The following PCDH18 variants were observed in gnomAD, a reference collection of about 807,000 sequenced individuals.
PCDH18 encodes protocadherin-18.
Under a neutral mutation model 71.5 loss-of-function variants are expected in PCDH18, and 38 were observed. The ratio of observed to expected loss-of-function variants is 0.53; its 90% CI spans 0.41 to 0.70. The LOEUF (loss-of-function observed/expected upper bound fraction) is 0.70. Ranked by LOEUF, PCDH18 falls within the 30% of genes least tolerant of loss-of-function variation. The probability of loss-of-function intolerance (pLI) is 0.00; values close to 1 mark genes in which losing one functional copy is unlikely to be tolerated. For missense variants in PCDH18, 1,334 were observed against 1,384.6 expected (o/e 0.96, Z 0.58); for synonymous variants, 565 against 505.4 (o/e 1.12, Z -1.58).
Position 137,519,233 on chromosome 4 carries a change from G to C in PCDH18, c.*1796C>G, listed in dbSNP as rs921748434. On this transcript the variant is annotated 3_prime_UTR_variant, in exon 4 of 4. Coordinates refer to ENST00000344876, the MANE Select transcript of PCDH18 (RefSeq NM_019035.5). ...ATTCTATTTAATGTGGTACTCATTT[G>C]AGAATTCAAATATCTGAATTTTAGT... is the stretch of plus-strand genomic sequence containing the variant. The C allele has an allele frequency of 4.6e-5, 7 of 152,100 alleles. No individual in the cohort carries two copies. Among genetic ancestry groups the C allele is most frequent in the Admixed American group, 4.6e-4 (7 of 15,272 alleles). 9.4% of individuals were successfully genotyped at this position (152,100 alleles called of 1,614,324 possible). A position where few individuals can be genotyped will look rare whatever the true frequency, so the allele number is the denominator to read the frequency against.
At chr4:137,524,824 A>G (rs557892933) in intron 3 of PCDH18, among the ~76,000 whole-genome samples, 1 of 152,306 alleles carries the variant, frequency 6.6e-6, no homozygotes, top group African/African-American at 2.4e-5. Context: ...AAATGTTCTC[A>G]AAATGTTGTT....
chr4:137,521,644 G>T lies in PCDH18; in HGVS notation c.2793C>A (p.Cys931Ter). ...ACGGTGAGGGCAGTGGTGGCATCCA[G>T]CACTGGTCAGAGTGTCCCAGGACCC... is the stretch of plus-strand genomic sequence containing the variant. ...ECRVLGHSDQ[C>*]WMPPLPSPSS... Residue 931 changes from cysteine (C) to a stop codon, truncating the protein, a stop_gained, in exon 4 of 4, where the codon TGC becomes TGA. Transcript: ENST00000344876. LOFTEE classifies it high-confidence loss of function. 1 of 1,611,814 alleles carries T rather than the reference G, an allele frequency of 6.2e-7. No homozygotes were observed.
At position 137,521,276 on chromosome 4, in the gene PCDH18, G is replaced by A. The variant is rs564865274; in HGVS notation, c.3161C>T (p.Ala1054Val). 1.1e-5 allele frequency: 18 copies of A among 1,614,126 alleles called. No homozygotes were observed. Among genetic ancestry groups the A allele is most frequent in the South Asian group, 2.2e-5 (2 of 91,088 alleles). ...AKTVGYPQGVAAWAASTHFQN... is the reference protein window; with the variant it reads ...AKTVGYPQGVVAWAASTHFQN... ...AAAATGCGTACTGGCTGCCCATGCCGCTACCCCCTGTGGGTAACCCACAGT... is the reference window on the plus strand; with the variant it reads ...AAAATGCGTACTGGCTGCCCATGCCACTACCCCCTGTGGGTAACCCACAGT... The change falls in exon 4 of 4, where the codon GCG becomes GTG. Residue 1054 changes from alanine to valine, a missense_variant. Ala to Val is a moderately conservative substitution (Grantham distance 64). Transcript: ENST00000344876.
In PCDH18 at chr4:137,521,119, G is replaced by T. The variant is rs558960365; in HGVS notation, c.3318C>A (p.Asn1106Lys). 2 of 1,614,036 alleles carry T rather than the reference G, an allele frequency of 1.2e-6. No individual in the cohort carries two copies. Among genetic ancestry groups the T allele is most frequent in the Non-Finnish European group, 1.7e-6 (2 of 1,179,870 alleles). The change falls in exon 4 of 4, where the codon AAC becomes AAA. Residue 1106 changes from asparagine (N) to lysine (K), a missense_variant. By Grantham distance (94) the Asn-to-Lys change is moderately conservative. Transcript: ENST00000344876. ...GTTCGTGTTTCCCATCATTGAGGTG[G>T]TTGAGCACATTGTCAAAATCATCTT... ...YEEDDFDNVL[N>K]HLNDGKHELM...
At chr4:137,528,019 C>G (rs1476320995) in intron 3 of PCDH18, among the ~76,000 whole-genome samples, 1 of 152,128 alleles carries the variant, frequency 6.6e-6, no homozygotes, top group African/African-American at 2.4e-5. Flanking sequence ...GTATTTTAGT[C>G]TCTGATTTTG....
chr4:137,521,683 G>A lies in PCDH18; in HGVS notation c.2754C>T (p.Cys918=). The A allele has an allele frequency of 6.2e-7, 1 of 1,603,218 alleles. No homozygotes were observed. The highest frequency in any genetic ancestry group is 2.2e-5 in the East Asian group (1 of 44,732). ...GTCCCAGGACCCTGCACTCCTCCGTGCAGAGTCTCATAGCTGCACTCAAGA... is the reference window on the plus strand; with the variant it reads ...GTCCCAGGACCCTGCACTCCTCCGTACAGAGTCTCATAGCTGCACTCAAGA... ...DGRIPAAMRL[C]TEECRVLGHS... The change falls in exon 4 of 4, where the codon TGC becomes TGT. Residue 918 remains cysteine, a synonymous_variant. Transcript: ENST00000344876.
chr4:137,529,024 A>G, intron 1 of PCDH18: 1 of 578,644 alleles, frequency 1.7e-6, no homozygotes, highest in South Asian at 2.2e-5. Flanking sequence ...AGAGATTTGG[A>G]TGACCTAATA....
At chr4:137,527,557 T>C (rs1475338456) in intron 3 of PCDH18, among the ~76,000 whole-genome samples, 2 of 152,236 alleles carry the variant, frequency 1.3e-5, no homozygotes, top group Non-Finnish European at 2.9e-5. Flanking sequence ...TTTCCTAAAC[T>C]CTCTTACTTA....
chr4:137,525,845 GATT>G (rs1731437606), intron 3 of PCDH18, among the ~76,000 whole-genome samples: 1 of 151,744 alleles, frequency 6.6e-6, no homozygotes, highest in South Asian at 2.1e-4. Context: ...GCAAATATGA[GATT>G]TTTTTTTAAA....
chr4:137,531,276 C>T lies in PCDH18; in HGVS notation c.813G>A (p.Thr271=), dbSNP rs1336165604. Residue 271 remains threonine (T), a synonymous_variant, in exon 1 of 4, where the codon ACG becomes ACA. Coordinates refer to ENST00000344876, the MANE Select transcript of PCDH18 (RefSeq NM_019035.5). ...VGTLLLDLNA[T]DPDEGANGKI... The stretch of plus-strand genomic sequence containing the variant: ...TCCCATTAGCGCCCTCATCTGGATC[C>T]GTGGCATTCAGATCTAAGAGCAAAG... The T allele has an allele frequency of 1.9e-6, 3 of 1,613,982 alleles. No individual in the cohort carries two copies. The highest frequency in any genetic ancestry group is 1.7e-6 in the Non-Finnish European group (2 of 1,179,916).
intron 3 of PCDH18, among the ~76,000 whole-genome samples, chr4:137,528,185 GA>G (rs1372484226): frequency 1.3e-5 from 2 of 152,136 alleles, no homozygotes; most frequent in African/African-American, 4.8e-5. Flanking sequence ...GAGGTGGAAA[GA>G]GGGGGAAAGT....
chr4:137,530,330 C>A lies in PCDH18; in HGVS notation c.1759G>T (p.Glu587Ter), dbSNP rs1731631610. 6.2e-7 allele frequency: 1 copy of A among 1,613,234 alleles called. No homozygotes were observed. The highest frequency in any genetic ancestry group is 1.7e-5 in the Admixed American group (1 of 59,964). ...TCAGCCCCTTTGGGAATGGTGATTT[C>A]TGCCGTATTATTACGCAATGCAGGC... ...IGPALRNNTA[E>*]ITIPKGAESG... The change falls in exon 1 of 4, where the codon GAA becomes TAA. Residue 587 changes from glutamate to a stop codon, truncating the protein, a stop_gained. Coordinates refer to ENST00000344876, the MANE Select transcript of PCDH18 (RefSeq NM_019035.5). LOFTEE classifies it high-confidence loss of function.
Position 137,531,553 on chromosome 4 carries a change from T to G in PCDH18, c.536A>C (p.Asn179Thr), listed in dbSNP as rs200397073. The change falls in exon 1 of 4, where the codon AAT (asparagine) becomes ACT (threonine). Residue 179 changes from asparagine (N) to threonine (T), a missense_variant. By Grantham distance (65) the Asn-to-Thr change is moderately conservative. This residue lies in a region of PCDH18 where 1,011 missense variants were observed against 1,048.0 expected (regional missense o/e 0.96). Transcript: ENST00000344876. The stretch of plus-strand genomic sequence containing the variant: ...CCGAACCTCGATATTAAAAAAATCA[T>G]TGGCAGAGAGCGAGTATGTGTGGAG... ...NSLHTYSLSA[N>T]DFFNIEVRTR... 1.9e-6 allele frequency: 3 copies of G among 1,613,190 alleles called. No individual in the cohort carries two copies. Among genetic ancestry groups the G allele is most frequent in the Non-Finnish European group, 2.5e-6 (3 of 1,179,598 alleles).
rs551544842 is a variant in PCDH18, at chr4:137,531,918, C to T, written c.171G>A (p.Lys57=). The T allele has an allele frequency of 5.3e-5, 86 of 1,614,018 alleles. 2 individuals are homozygous for T. In the South Asian group the frequency reaches 9.2e-4, roughly 17 times the overall value. The change falls in exon 1 of 4, where the codon AAG becomes AAA. Residue 57 remains lysine (K), a synonymous_variant. Transcript: ENST00000344876. ...ATCGAACAGTAGAAGGATTAGGAAGCTTCAATAAAACATCAGCCACATCCT... is the reference window on the plus strand; with the variant it reads ...ATCGAACAGTAGAAGGATTAGGAAGTTTCAATAAAACATCAGCCACATCCT... ...LSEDVADVLL[K]LPNPSTVRFR...
Position 137,532,119 on chromosome 4 carries a change from C to A in PCDH18, c.-31G>T. The stretch of plus-strand genomic sequence containing the variant: ...AGTTTATGAGATTTCCCTCACAGAG[C>A]AAGTTAAAACAGCAAAGCAATTGCC... On this transcript the variant is annotated 5_prime_UTR_variant, in exon 1 of 4. Transcript: ENST00000344876. The A allele has an allele frequency of 6.5e-7, 1 of 1,544,616 alleles. No individual in the cohort carries two copies. Among genetic ancestry groups the A allele is most frequent in the Non-Finnish European group, 8.9e-7 (1 of 1,119,172 alleles).
intron 3 of PCDH18, among the ~76,000 whole-genome samples, chr4:137,523,067 G>A (rs1383250028): frequency 6.6e-6 from 1 of 152,106 alleles, no homozygotes; most frequent in African/African-American, 2.4e-5. Context: ...AGGATAATTT[G>A]AGGAATAAAA....
intron 3 of PCDH18, among the ~76,000 whole-genome samples, chr4:137,522,189 C>T (rs1242708851): frequency 6.6e-6 from 1 of 152,108 alleles, no homozygotes; most frequent in Non-Finnish European, 1.5e-5. Flanking sequence ...ACTTATTAAT[C>T]TCTCTTAAAG....
In PCDH18 at chr4:137,530,227, A is replaced by G; in HGVS notation, c.1862T>C (p.Val621Ala). The part of the protein sequence containing the change: ...GVNAELSCAI[V>A]AGNEENIFII... ...GAAGATATTCTCCTCATTACCTGCT[A>G]CTATGGCGCAGCTGAGTTCAGCATT... is the stretch of plus-strand genomic sequence containing the variant. The change falls in exon 1 of 4, where the codon GTA becomes GCA. Residue 621 changes from valine (V) to alanine (A), a missense_variant. Physicochemically the swap from Val to Ala is moderately conservative, Grantham distance 64. Coordinates refer to ENST00000344876, the MANE Select transcript of PCDH18 (RefSeq NM_019035.5). The G allele has an allele frequency of 6.2e-7, 1 of 1,614,076 alleles. No individual in the cohort carries two copies. The highest frequency in any genetic ancestry group is 1.3e-5 in the African/African-American group (1 of 75,034).
rs1731723520 is a variant in PCDH18 at position 137,531,904 on chromosome 4, G to T, written c.185C>A (p.Ser62Tyr). ...ADVLLKLPNP[S>Y]TVRFRAMQRG... ...CTGCATGGCTCGAAATCGAACAGTA[G>T]AAGGATTAGGAAGCTTCAATAAAAC... The change falls in exon 1 of 4, where the codon TCT becomes TAT. Residue 62 changes from serine to tyrosine, a missense_variant. Around this residue, in one of 3 missense-constraint regions of PCDH18, gnomAD observed 1,011 missense variants for 1,048.0 expected, o/e 0.96. Transcript: ENST00000344876. The T allele has an allele frequency of 1.2e-6, 2 of 1,614,014 alleles. No homozygotes were observed. The highest frequency in any genetic ancestry group is 1.1e-5 in the South Asian group (1 of 91,068).
Sources: gnomAD v4.1 joint callset for allele counts (sites outside exome capture counted in the v4.1 genomes callset) on GRCh38, gnomAD v4.1.1 for gene constraint, gnomAD v4.1.1 regional missense constraint, MANE v1.5 for transcripts, NCBI Gene and HGNC (gene_info 2026-07-23, HGNC 2026-07-21) for gene names.